Variants in PABPN1 observed in about 807,000 individuals in gnomAD.
PABPN1 encodes the protein poly(A) binding protein nuclear 1.
A neutral mutation model predicts 33.4 loss-of-function variants in PABPN1; 5 were observed. That is an observed-to-expected ratio of 0.15 (90% confidence interval 0.08 to 0.32). The LOEUF is 0.32. Ranked by LOEUF, PABPN1 falls within the 10% of genes least tolerant of loss-of-function variation. PABPN1 has a pLI of 1.00. For missense variants in PABPN1, 312 were observed against 425.8 expected, an observed-to-expected ratio of 0.73 and a Z score of 2.35; for synonymous variants, 176 against 170.6, an observed-to-expected ratio of 1.03 and a Z score of -0.25.
chr14:23,325,666 A>C lies in PABPN1; in HGVS notation c.*380A>C. 1 of 212,868 alleles carries C rather than the reference A, an allele frequency of 4.7e-6. No homozygotes were observed. The highest frequency in any genetic ancestry group is 9.5e-6 in the Non-Finnish European group (1 of 105,430). 13.2% of individuals were successfully genotyped at this position (212,868 alleles called of 1,614,324 possible). On this transcript the variant is annotated 3_prime_UTR_variant, in exon 7 of 7. Transcript: ENST00000216727. ...TTTTTACCCAGGGCTCTGGAAGGAC[A>C]CCAAACTGTTCTGCTTGTTACCTTC...
chr14:23,325,029 C>T (rs1383447751), intron 6 of PABPN1: 11 of 407,190 alleles, frequency 2.7e-5, no homozygotes, highest in Admixed American at 5.5e-5. Context: ...GCTTCTTTTT[C>T]GCCACTGTTT....
intron 6 of PABPN1, 107 bp from the exon 7 acceptor site, chr14:23,325,135 CTTCTT>C: frequency 1.3e-6 from 2 of 1,490,786 alleles, no homozygotes; most frequent in Non-Finnish European, 1.9e-6. Context: ...CACTTGAACA[CTTCTT>C]TTCCCCCCTT....
Position 23,325,995 on chromosome 14 carries a change from GTT to G in PABPN1, c.*722_*723del, listed in dbSNP as rs58264930. The G allele has an allele frequency of 0.53, 75,581 of 141,672 alleles. 20,059 individuals are homozygous for G. The highest frequency in any genetic ancestry group is 0.62 in the African/African-American group (23,858 of 38,488). The allele number at this position is 141,672 out of a possible 1,614,324, so 8.8% of individuals were successfully genotyped here. A position where few individuals can be genotyped will look rare whatever the true frequency, so the allele number is the denominator to read the frequency against. On this transcript the variant is annotated 3_prime_UTR_variant, in exon 7 of 7. Transcript: ENST00000216727. ...TGTTTTTCAGTTGTTTTGTTTTTTTGTTTTTTTTTTTTTTCCTTTGCCTTTTT... is the reference window on the plus strand; with the variant it reads ...TGTTTTTCAGTTGTTTTGTTTTTTTGTTTTTTTTTTTTCCTTTGCCTTTTT...
rs1487615467 is a variant in PABPN1, at chr14:23,322,984, AT to A, written c.467-9del. ...AAGTGTGTGGTTTTTGTAAAAAATT[AT>A]TTTTTCCTGATAGCTGGCCCGGTGA... On this transcript the variant is annotated splice_polypyrimidine_tract_variant and intron_variant, in intron 2 of 6. Transcript: ENST00000216727. 9.3e-6 allele frequency: 15 copies of A among 1,614,018 alleles called. No individual in the cohort carries two copies. The highest frequency in any genetic ancestry group is 1.3e-5 in the Non-Finnish European group (15 of 1,179,992).
chr14:23,323,845 G>A (rs879776380), intron 4 of PABPN1, 120 bp from the exon 5 acceptor site: 107 of 1,031,000 alleles, frequency 1.0e-4, no homozygotes, highest in Non-Finnish European at 1.5e-4. Flanking sequence ...CCATTTAGAA[G>A]AATTTTGACA....
intron 5 of PABPN1, 32 bp downstream of exon 5, chr14:23,324,084 G>T: frequency 6.2e-7 from 1 of 1,614,140 alleles, no homozygotes; most frequent in Non-Finnish European, 8.5e-7. Flanking sequence ...TTCTAGTTGT[G>T]TATAAACTCT....
chr14:23,322,491 C>CTTGTGCCTCCCT, intron 2 of PABPN1, 196 bp downstream of exon 2: 1 of 623,954 alleles, frequency 1.6e-6, no homozygotes, highest in Non-Finnish European at 2.9e-6. Flanking sequence ...TGGTGGTAGC[C>CTTGTGCCTCCCT]TTGTGCCTCC....
At position 23,323,004 on chromosome 14, in the gene PABPN1, C is replaced by G. The variant is rs758090716; in HGVS notation, c.472C>G (p.Pro158Ala). 6 of 1,614,042 alleles carry G rather than the reference C, an allele frequency of 3.7e-6. No homozygotes were observed. Among genetic ancestry groups the G allele is most frequent in the Non-Finnish European group, 5.1e-6 (6 of 1,180,006 alleles). ...NMSPPPGNAG[P>A]VIMSIEEKME... ...AAATTATTTTTTCCTGATAGCTGGC[C>G]CGGTGATCATGTCCATTGAGGAGAA... The change falls in exon 3 of 7, where the codon CCG becomes GCG. Residue 158 changes from proline (P) to alanine (A), a missense_variant. This residue lies in a region of PABPN1 where 77 missense variants were observed against 185.7 expected (regional missense o/e 0.41). Transcript: ENST00000216727.
At chr14:23,322,590 A>G in intron 2 of PABPN1, 1 of 482,518 alleles carries the variant, frequency 2.1e-6, no homozygotes, top group Non-Finnish European at 3.8e-6. Context: ...TTTGACCTTC[A>G]AATCTAATAG....
At chr14:23,322,470 G>A in intron 2 of PABPN1, 175 bp downstream of exon 2, 1 of 661,476 alleles carries the variant, frequency 1.5e-6, no homozygotes, top group Non-Finnish European at 2.8e-6. Context: ...GAGGCAGAAC[G>A]TATATTTTGG....
rs749621424 is a variant in PABPN1, at chr14:23,324,239, C to G, written c.831C>G (p.Arg277=). The change falls in exon 6 of 7, where the codon CGC becomes CGG. Residue 277 remains arginine (R), a synonymous_variant. Coordinates refer to ENST00000216727, the MANE Select transcript of PABPN1 (RefSeq NM_004643.4). ...RARTTNYNSS[R]SRFYSGFNSR... ...GGACCACCAACTACAACAGCTCCCG[C>G]TCTCGATTCTACAGTGGTTTTAACA... 1.9e-6 allele frequency: 3 copies of G among 1,614,156 alleles called. No homozygotes were observed. The highest frequency in any genetic ancestry group is 2.5e-6 in the Non-Finnish European group (3 of 1,180,052).
At chr14:23,325,053 T>TA (rs1286878635) in intron 6 of PABPN1, 194 bp from the exon 7 acceptor site, 1 of 651,664 alleles carries the variant, frequency 1.5e-6, no homozygotes, top group Non-Finnish European at 2.5e-6. Flanking sequence ...AGTTTTCTGT[T>TA]AAGCCCCCCT....
At chr14:23,323,626 C>A in intron 4 of PABPN1, 143 bp downstream of exon 4, 1 of 887,634 alleles carries the variant, frequency 1.1e-6, no homozygotes, top group South Asian at 1.4e-5. Context: ...GTTGATATAT[C>A]AGGAGTTGCA....
chr14:23,325,134 ACTT>A (rs1888648059), intron 6 of PABPN1, 110 bp from the exon 7 acceptor site: 3 of 1,470,126 alleles, frequency 2.0e-6, no homozygotes, highest in South Asian at 1.2e-5. Flanking sequence ...ACACTTGAAC[ACTT>A]CTTTTCCCCC....
At chr14:23,322,695 T>G (rs983088125) in intron 2 of PABPN1, 1 of 481,866 alleles carries the variant, frequency 2.1e-6, no homozygotes, top group African/African-American at 1.9e-5. Flanking sequence ...CTCAGCCCAC[T>G]TAATTTTGCT....
intron 1 of PABPN1, 100 bp from the exon 2 acceptor site, chr14:23,322,081 G>C (rs1449646868): frequency 1.7e-5 from 21 of 1,265,610 alleles, no homozygotes; most frequent in Non-Finnish European, 2.3e-5. Flanking sequence ...CGAGGGAAAT[G>C]GCCGAGCATG....
chr14:23,324,938 C>T, intron 6 of PABPN1: 1 of 353,268 alleles, frequency 2.8e-6, no homozygotes, highest in Non-Finnish European at 5.2e-6. Context: ...TTGTGATGGC[C>T]TAGGGTTTAA....
At chr14:23,323,758 G>A (rs61977663) in intron 4 of PABPN1, among the ~76,000 whole-genome samples, 1 of 152,228 alleles carries the variant, frequency 6.6e-6, no homozygotes, top group Non-Finnish European at 1.5e-5. Context: ...TTCAGGCCCT[G>A]TGTGTCTTAT....
Position 23,323,333 on chromosome 14 carries a change from C to T in PABPN1, c.535-44C>T, listed in dbSNP as rs768480157. On this transcript the variant is annotated intron_variant, in intron 3 of 6. Coordinates refer to ENST00000216727, the MANE Select transcript of PABPN1 (RefSeq NM_004643.4). ...AGGCTCGGGAGGGTTCCTTTTGAGA[C>T]AGGAATTTGCCTGGTGCCTGTGAAA... The T allele has an allele frequency of 1.2e-5, 19 of 1,595,248 alleles. No individual in the cohort carries two copies. The South Asian group carries it at 2.1e-4, about 18-fold the overall frequency.
Sources: gnomAD v4.1 joint callset for allele counts (sites outside exome capture counted in the v4.1 genomes callset) on GRCh38, gnomAD v4.1.1 for gene constraint, gnomAD v4.1.1 regional missense constraint, MANE v1.5 for transcripts, NCBI Gene and HGNC (gene_info 2026-07-23, HGNC 2026-07-21) for gene names.